Variants in SUPT3H observed in about 807,000 individuals in gnomAD.
The protein encoded by SUPT3H is transcription initiation protein SPT3 homolog.
In SUPT3H, 44 loss-of-function variants were observed where a neutral mutation model predicts 44.3. That is an observed-to-expected ratio of 0.99 (90% CI 0.78 to 1.28). SUPT3H has a LOEUF of 1.28. Among genes scored for constraint, SUPT3H ranks in the 50% most tolerant of loss-of-function variants. The probability of loss-of-function intolerance (pLI) is 0.00; values close to 1 mark genes in which losing one functional copy is unlikely to be tolerated. For synonymous variants in SUPT3H, 124 were observed against 125.6 expected (o/e 0.99, Z 0.09); for missense variants, 380 against 387.1 (o/e 0.98, Z 0.15).
At chr6:45,074,355 C>A (rs1794747458) in intron 3 of SUPT3H, among the ~76,000 whole-genome samples, 1 of 151,830 alleles carries the variant, frequency 6.6e-6, no homozygotes, top group East Asian at 1.9e-4. Flanking sequence ...GCAAAGATTT[C>A]TTGGACAAAA....
At chr6:44,988,291 A>G (rs188453567) in intron 6 of SUPT3H, among the ~76,000 whole-genome samples, 221 of 152,092 alleles carry the variant, frequency 1.5e-3, no homozygotes, top group African/African-American at 5.0e-3. Flanking sequence ...GTAAAAAGCC[A>G]CTACATATCA....
intron 2 of SUPT3H, among the ~76,000 whole-genome samples, chr6:45,205,366 C>A (rs1475323739): frequency 6.6e-6 from 1 of 152,144 alleles, no homozygotes; most frequent in Non-Finnish European, 1.5e-5. Context: ...TTTATTCCCA[C>A]ATTTTCTATA....
chr6:45,185,554 A>C (rs1814060323), intron 2 of SUPT3H, among the ~76,000 whole-genome samples: 1 of 152,360 alleles, frequency 6.6e-6, no homozygotes, highest in Middle Eastern at 3.4e-3. Context: ...CTTTAAGCTT[A>C]CAAGTTTTAC....
chr6:45,261,386 C>G (rs10807319), intron 2 of SUPT3H, among the ~76,000 whole-genome samples: 57,351 of 151,830 alleles, frequency 0.38, 11,520 homozygotes, highest in Non-Finnish European at 0.45. Context: ...GATAAAGTAG[C>G]CTTTATTCTT....
chr6:45,179,427 T>G (rs563139551), intron 2 of SUPT3H, among the ~76,000 whole-genome samples: 14 of 152,160 alleles, frequency 9.2e-5, no homozygotes, highest in African/African-American at 3.4e-4. Context: ...CACAACCAAA[T>G]AGGAGAATTT....
intron 2 of SUPT3H, among the ~76,000 whole-genome samples, chr6:45,161,663 A>G (rs1808998185): frequency 1.3e-5 from 2 of 152,094 alleles, no homozygotes; most frequent in South Asian, 4.1e-4. Flanking sequence ...CCATACCGTA[A>G]AGCTGCTGAC....
At chr6:45,217,003 C>CCCTAGAGATAACCA in intron 2 of SUPT3H, among the ~76,000 whole-genome samples, 1 of 152,030 alleles carries the variant, frequency 6.6e-6, no homozygotes, top group Non-Finnish European at 1.5e-5. Context: ...AGAGAGATTA[C>CCCTAGAGATAACCA]AAGGTAGGAC....
chr6:44,924,870 A>G (rs1044688547), intron 10 of SUPT3H, among the ~76,000 whole-genome samples: 2 of 152,090 alleles, frequency 1.3e-5, no homozygotes, highest in Non-Finnish European at 2.9e-5. Flanking sequence ...CATATAATTT[A>G]TTTCTACCCA....
At chr6:45,180,651 A>T (rs1023434610) in intron 2 of SUPT3H, among the ~76,000 whole-genome samples, 33 of 152,136 alleles carry the variant, frequency 2.2e-4, no homozygotes, top group Non-Finnish European at 4.6e-4. Context: ...GTGCTGGGAA[A>T]ATTGGCTAGC....
rs576972945 is a variant in SUPT3H, at chr6:45,281,173, G to A, written c.101+84028C>T. 4.6e-5 allele frequency among the ~76,000 whole-genome samples: 7 copies of A among 152,348 alleles called. No individual in the cohort carries two copies. In the East Asian group the frequency reaches 9.6e-4, roughly 21 times the overall value. ...TACAGCTCCCAGCATGAGCAATGCAGAAGACGGGTGATTTCTGCATTTCCA... is the reference window on the plus strand; with the variant it reads ...TACAGCTCCCAGCATGAGCAATGCAAAAGACGGGTGATTTCTGCATTTCCA... On this transcript the variant is annotated intron_variant, in intron 2 of 10. Coordinates refer to ENST00000371459, the MANE Select transcript of SUPT3H (RefSeq NM_003599.4).
chr6:44,916,668 G>T (rs1767852462), intron 10 of SUPT3H, among the ~76,000 whole-genome samples: 1 of 152,162 alleles, frequency 6.6e-6, no homozygotes. Flanking sequence ...GTCAGGCTGG[G>T]CTTCCCTTTG....
At chr6:44,983,321 A>G (rs1779357968) in intron 6 of SUPT3H, among the ~76,000 whole-genome samples, 1 of 152,178 alleles carries the variant, frequency 6.6e-6, no homozygotes, top group Admixed American at 6.5e-5. Context: ...GATAATAAGG[A>G]GATAAAGTGA....
At chr6:45,105,257 C>T (rs991164196) in intron 3 of SUPT3H, among the ~76,000 whole-genome samples, 20 of 151,858 alleles carry the variant, frequency 1.3e-4, no homozygotes, top group African/African-American at 4.8e-4. Context: ...GAATAAACAA[C>T]AACTATATGA....
intron 3 of SUPT3H, among the ~76,000 whole-genome samples, chr6:45,102,712 C>T (rs964846060): frequency 1.3e-5 from 2 of 151,984 alleles, no homozygotes; most frequent in Non-Finnish European, 2.9e-5. Context: ...GAGGCTGAGT[C>T]GGGCAGATCC....
rs538921441 is a variant in SUPT3H, at chr6:44,949,808, G to C, written c.801+3502C>G. On this transcript the variant is annotated intron_variant, in intron 9 of 10. Transcript: ENST00000371459. The stretch of plus-strand genomic sequence containing the variant: ...TGCCAAATGTTGATGAAGCTGTGGA[G>C]CAACTGGAACTCTAATACACTGTTG... Among the ~76,000 whole-genome samples the C allele has an allele frequency of 8.2e-4, 125 of 152,328 alleles. 2 individuals carry two copies. Among genetic ancestry groups the C allele is most frequent in the African/African-American group, 2.9e-3 (119 of 41,578 alleles).
rs377261111 is a variant in SUPT3H at position 45,003,428 on chromosome 6, G to A, written c.504+225C>T. The stretch of plus-strand genomic sequence containing the variant: ...AGGGAAACCTAATCATTTTCAAAAC[G>A]GGAAATAAGGAAACAGAAAACAGAA... On this transcript the variant is annotated intron_variant, in intron 6 of 10. Coordinates refer to ENST00000371459, the MANE Select transcript of SUPT3H (RefSeq NM_003599.4). 1.2e-4 allele frequency among the ~76,000 whole-genome samples: 19 copies of A among 152,006 alleles called. No individual in the cohort carries two copies. In the East Asian group the frequency reaches 2.1e-3, roughly 17 times the overall value.
chr6:45,231,031 T>G (rs902455357), intron 2 of SUPT3H, among the ~76,000 whole-genome samples: 2 of 152,152 alleles, frequency 1.3e-5, no homozygotes, highest in African/African-American at 4.8e-5. Context: ...TATGAAAGGT[T>G]TTTCCCCGTC....
chr6:45,259,857 T>C (rs1477011069), intron 2 of SUPT3H, among the ~76,000 whole-genome samples: 1 of 152,184 alleles, frequency 6.6e-6, no homozygotes, highest in Non-Finnish European at 1.5e-5. Context: ...GTTAATCTGA[T>C]GGAAAGTAAC....
chr6:45,046,715 C>A (rs1473240239), intron 3 of SUPT3H, among the ~76,000 whole-genome samples: 1 of 152,168 alleles, frequency 6.6e-6, no homozygotes, highest in African/African-American at 2.4e-5. Flanking sequence ...CTTTCTAAGT[C>A]CTTTGCATTT....
Sources: gnomAD v4.1 joint callset for allele counts (sites outside exome capture counted in the v4.1 genomes callset) on GRCh38, gnomAD v4.1.1 for gene constraint, MANE v1.5 for transcripts, NCBI Gene and HGNC (gene_info 2026-07-23, HGNC 2026-07-21) for gene names.